Variants in CTNNA2 observed in about 807,000 individuals in gnomAD.
CTNNA2 encodes catenin alpha 2.
Under a neutral mutation model 101.0 loss-of-function variants are expected in CTNNA2, and 42 were observed. The observed-to-expected ratio is 0.42, with a 90% CI of 0.32 to 0.54. The LOEUF is 0.54. CTNNA2 is among the 20% of genes least tolerant of loss of function. The pLI, the probability that CTNNA2 is intolerant of heterozygous loss-of-function variation, is 0.14. For missense variants in CTNNA2, 871 were observed against 1,223.1 expected (o/e 0.71, Z 4.29); for synonymous variants, 450 against 456.4 (o/e 0.99, Z 0.18).
intron 7 of CTNNA2, among the ~76,000 whole-genome samples, chr2:80,313,049 C>T (rs1677752418): frequency 6.6e-6 from 1 of 152,140 alleles, no homozygotes; most frequent in Admixed American, 6.5e-5. Context: ...ATATAAAAAC[C>T]TCTATATTAC....
chr2:80,038,836 G>A (rs892584056), intron 7 of CTNNA2, among the ~76,000 whole-genome samples: 2 of 152,124 alleles, frequency 1.3e-5, no homozygotes, highest in Admixed American at 6.5e-5. Context: ...GTGACACAGT[G>A]AGACTCTGTC....
chr2:79,596,140 T>C (rs1484729354), intron 1 of CTNNA2, among the ~76,000 whole-genome samples: 2 of 152,106 alleles, frequency 1.3e-5, no homozygotes, highest in East Asian at 1.9e-4. Context: ...ATGGCAGTTA[T>C]CACATCGGCC....
At chr2:80,601,164 C>A (rs1697469109) in intron 15 of CTNNA2, among the ~76,000 whole-genome samples, 1 of 152,120 alleles carries the variant, frequency 6.6e-6, no homozygotes, top group South Asian at 2.1e-4. Context: ...CCTACTCCAG[C>A]ACTCATGTCA....
intron 3 of CTNNA2, among the ~76,000 whole-genome samples, chr2:79,826,376 A>C (rs937642420): frequency 1.1e-4 from 17 of 152,368 alleles, no homozygotes; most frequent in African/African-American, 3.6e-4. Context: ...GTCAAAGACA[A>C]GTTATGTGGC....
chr2:79,620,115 T>A (rs1327094664), intron 1 of CTNNA2, among the ~76,000 whole-genome samples: 2 of 152,226 alleles, frequency 1.3e-5, no homozygotes, highest in Non-Finnish European at 2.9e-5. Flanking sequence ...AAGAGTTGCA[T>A]AAAATCTATT....
At chr2:79,946,840 C>G (rs1283170553) in intron 7 of CTNNA2, among the ~76,000 whole-genome samples, 1 of 152,120 alleles carries the variant, frequency 6.6e-6, no homozygotes, top group Non-Finnish European at 1.5e-5. Context: ...CACAATGAGC[C>G]AAAGCTTCTG....
chr2:79,560,600 G>A lies in CTNNA2; in HGVS notation c.-6+47393G>A, dbSNP rs539473641. 4.6e-5 allele frequency among the ~76,000 whole-genome samples: 7 copies of A among 151,990 alleles called. No homozygotes were observed. The South Asian group carries it at 1.5e-3, about 32-fold the overall frequency. ...CTCTATTGTATGCTATGGCCATTAG[G>A]AAGCAAAAGAGGATGGATATTAGAA... is the stretch of plus-strand genomic sequence containing the variant. On this transcript the variant is annotated intron_variant, in intron 1 of 18. Transcript: ENST00000402739.
chr2:79,622,769 T>G (rs1051295018), intron 1 of CTNNA2, among the ~76,000 whole-genome samples: 1 of 152,178 alleles, frequency 6.6e-6, no homozygotes, highest in African/African-American at 2.4e-5. Flanking sequence ...GCCTTCTGGA[T>G]GCAGGGAGCG....
At chr2:80,291,891 A>G (rs997073748) in intron 7 of CTNNA2, among the ~76,000 whole-genome samples, 8 of 152,218 alleles carry the variant, frequency 5.3e-5, no homozygotes, top group Non-Finnish European at 1.0e-4. Context: ...AAGGCAAGCC[A>G]CTAAAGAACC....
At chr2:80,336,281 A>G (rs1671758066) in intron 7 of CTNNA2, among the ~76,000 whole-genome samples, 1 of 152,064 alleles carries the variant, frequency 6.6e-6, no homozygotes, top group Non-Finnish European at 1.5e-5. Flanking sequence ...GGCCCCTTTT[A>G]TAAGGATCCT....
chr2:80,459,585 C>G (rs1265625266), intron 9 of CTNNA2, among the ~76,000 whole-genome samples: 3 of 152,126 alleles, frequency 2.0e-5, no homozygotes, highest in Admixed American at 1.3e-4. Flanking sequence ...TTAAGGGAGT[C>G]TGTTGAAAGT....
intron 2 of CTNNA2, among the ~76,000 whole-genome samples, chr2:79,232,376 G>A (rs758650731): frequency 4.0e-4 from 61 of 152,050 alleles, no homozygotes; most frequent in Middle Eastern, 3.2e-3. Flanking sequence ...ATTTGCATGT[G>A]TTGAACCAAC....
intron 4 of CTNNA2, among the ~76,000 whole-genome samples, chr2:79,482,708 G>C (rs554259050): frequency 6.6e-6 from 1 of 152,176 alleles, no homozygotes; most frequent in African/African-American, 2.4e-5. Flanking sequence ...CCAGCATTCA[G>C]TCAGGGCAAA....
At chr2:79,781,300 G>A (rs1485374979) in intron 3 of CTNNA2, among the ~76,000 whole-genome samples, 1 of 152,160 alleles carries the variant, frequency 6.6e-6, no homozygotes, top group Admixed American at 6.5e-5. Flanking sequence ...ACCATCTTGG[G>A]TTTGGTGGGT....
At chr2:79,992,663 A>C (rs1692263251) in intron 7 of CTNNA2, among the ~76,000 whole-genome samples, 2 of 152,216 alleles carry the variant, frequency 1.3e-5, no homozygotes, top group Admixed American at 6.6e-5. Context: ...GTAGTTGTCG[A>C]AATTTTGCTT....
intron 7 of CTNNA2, among the ~76,000 whole-genome samples, chr2:79,997,521 A>G (rs1419207649): frequency 1.3e-5 from 2 of 152,090 alleles, no homozygotes; most frequent in Non-Finnish European, 1.5e-5. Context: ...TGAAGCTGAC[A>G]TGCCCTCCAG....
intron 1 of CTNNA2, among the ~76,000 whole-genome samples, chr2:79,518,119 G>A (rs989000667): frequency 3.3e-5 from 5 of 152,144 alleles, no homozygotes; most frequent in African/African-American, 1.2e-4. Context: ...AAGTTTATAT[G>A]TAAATTTCAA....
At chr2:80,224,962 T>C (rs1181635416) in intron 7 of CTNNA2, among the ~76,000 whole-genome samples, 3 of 152,110 alleles carry the variant, frequency 2.0e-5, no homozygotes, top group Non-Finnish European at 2.9e-5. Context: ...GCAGGATAAA[T>C]AGCTTAAGAA....
At chr2:79,805,377 A>C (rs757386646) in intron 3 of CTNNA2, among the ~76,000 whole-genome samples, 2 of 152,176 alleles carry the variant, frequency 1.3e-5, no homozygotes, top group Non-Finnish European at 2.9e-5. Context: ...TTTTAAAATA[A>C]TTTTGTGCGT....
Sources: allele counts gnomAD v4.1 joint callset (sites outside exome capture counted in the v4.1 genomes callset), GRCh38; gene constraint gnomAD v4.1.1; transcripts MANE v1.5; gene names NCBI Gene and HGNC (gene_info 2026-07-23, HGNC 2026-07-21).